Variants in NCOA1 observed in about 807,000 individuals in gnomAD.
The protein encoded by NCOA1 is Hin-2 protein.
In NCOA1, 35 loss-of-function variants were observed where a neutral mutation model predicts 150.9. The observed-to-expected ratio is 0.23, with a 90% confidence interval of 0.18 to 0.31. The LOEUF (loss-of-function observed/expected upper bound fraction) is 0.31. Among genes scored for constraint, NCOA1 ranks in the 10% least tolerant of loss-of-function variants. The probability of loss-of-function intolerance (pLI) is 1.00; values close to 1 mark genes in which losing one functional copy is unlikely to be tolerated. For missense variants in NCOA1, 1,491 were observed against 1,749.3 expected (o/e 0.85, Z 2.63); for synonymous variants, 590 against 630.0 (o/e 0.94, Z 0.95).
chr2:24,705,546 A>G (rs1673378947), intron 12 of NCOA1, among the ~76,000 whole-genome samples: 1 of 151,080 alleles, frequency 6.6e-6, no homozygotes, highest in South Asian at 2.1e-4. Context: ...GAGTTTGTTA[A>G]CATTGTTATT....
chr2:24,547,289 G>A (rs113503434), intron 1 of NCOA1, among the ~76,000 whole-genome samples: 2 of 152,248 alleles, frequency 1.3e-5, no homozygotes, highest in African/African-American at 4.8e-5. Flanking sequence ...GAGATTTTGG[G>A]ATAATGGGAG....
Position 24,741,813 on chromosome 2 carries a change from A to G in NCOA1, c.3333A>G (p.Gln1111=), listed in dbSNP as rs754009441. ...CCCTGAATGCTCAAATGTTGGCACA[A>G]CGTCAGCGGGAACTGTACAGTCAAC... ...QPPLNAQMLA[Q]RQRELYSQQH... The change falls in exon 19 of 23, where the codon CAA becomes CAG. Residue 1111 remains glutamine, a synonymous_variant. Coordinates refer to ENST00000348332, the MANE Select transcript of NCOA1 (RefSeq NM_003743.5). 1 of 1,613,486 alleles carries G rather than the reference A, an allele frequency of 6.2e-7. No homozygotes were observed. Among genetic ancestry groups the G allele is most frequent in the African/African-American group, 1.3e-5 (1 of 74,922 alleles).
chr2:24,621,007 T>C (rs1385668176), intron 3 of NCOA1, among the ~76,000 whole-genome samples: 1 of 152,214 alleles, frequency 6.6e-6, no homozygotes, highest in East Asian at 1.9e-4. Context: ...TTTGAATTCA[T>C]GATACCATGT....
intron 14 of NCOA1, among the ~76,000 whole-genome samples, chr2:24,723,121 T>G (rs1429503191): frequency 1.3e-5 from 2 of 151,932 alleles, no homozygotes; most frequent in Admixed American, 6.6e-5. Context: ...TAGTGAAAAA[T>G]ATCTTTCCTG....
At chr2:24,592,671 C>T (rs1430006143) in intron 3 of NCOA1, among the ~76,000 whole-genome samples, 7 of 145,160 alleles carry the variant, frequency 4.8e-5, no homozygotes, top group Non-Finnish European at 1.0e-4. Context: ...CAACATCAGT[C>T]AGTTTCACAG....
intron 2 of NCOA1, among the ~76,000 whole-genome samples, chr2:24,573,014 T>C (rs76979480): frequency 0.15 from 22,752 of 152,152 alleles, 2,048 homozygotes; most frequent in Non-Finnish European, 0.2. Flanking sequence ...CTGGATGCTC[T>C]GGAAACCAAA....
At chr2:24,495,703 A>G (rs935048011) in intron 1 of NCOA1, among the ~76,000 whole-genome samples, 19 of 152,232 alleles carry the variant, frequency 1.2e-4, no homozygotes, top group African/African-American at 4.6e-4. Flanking sequence ...TTGTGGGGCA[A>G]TTTTAAAGCA....
intron 4 of NCOA1, among the ~76,000 whole-genome samples, chr2:24,650,159 G>T (rs532694347): frequency 1.3e-5 from 2 of 152,234 alleles, no homozygotes; most frequent in African/African-American, 4.8e-5. Flanking sequence ...GGGGAGCAGG[G>T]TCTCTTCTCT....
At position 24,750,710 on chromosome 2, in the gene NCOA1, A is replaced by G. The variant is rs188681443; in HGVS notation, c.3707-1272A>G. On this transcript the variant is annotated intron_variant, in intron 19 of 22. Transcript: ENST00000348332. ...GATTGACTACAAACAGGTACAAGGA[A>G]GGGAATTTGGGGAATGATTAGGTGT... Among the ~76,000 whole-genome samples the G allele has an allele frequency of 1.3e-3, 197 of 152,290 alleles. 3 individuals carry two copies. The highest frequency in any genetic ancestry group is 3.9e-3 in the African/African-American group (160 of 41,554).
At chr2:24,761,143 C>T (rs917769536) in intron 21 of NCOA1, among the ~76,000 whole-genome samples, 5 of 152,204 alleles carry the variant, frequency 3.3e-5, no homozygotes, top group Non-Finnish European at 5.9e-5. Flanking sequence ...CCACCACACC[C>T]GGCCAAATTT....
chr2:24,769,009 GA>G lies in NCOA1; in HGVS notation c.*621del. 1 of 212,682 alleles carries G rather than the reference GA, an allele frequency of 4.7e-6. No individual in the cohort carries two copies. The highest frequency in any genetic ancestry group is 7.1e-5 in the East Asian group (1 of 14,122). 13.2% of individuals were successfully genotyped at this position (212,682 alleles called of 1,614,324 possible). ...TGGATTTAAACCAAGATGCCTCCAG[GA>G]AAGAGGACGAAATGAGTATATTCAC... On this transcript the variant is annotated 3_prime_UTR_variant, in exon 23 of 23. Transcript: ENST00000348332.
At chr2:24,653,780 C>T (rs983947492) in intron 4 of NCOA1, among the ~76,000 whole-genome samples, 1 of 151,988 alleles carries the variant, frequency 6.6e-6, no homozygotes, top group Non-Finnish European at 1.5e-5. Context: ...CATTGGAGGC[C>T]GAAAAGATGA....
chr2:24,754,181 C>A (rs560971543), intron 20 of NCOA1, among the ~76,000 whole-genome samples: 13 of 152,256 alleles, frequency 8.5e-5, no homozygotes, highest in African/African-American at 3.1e-4. Context: ...CAGTAGCTTC[C>A]TCTCCTGCTT....
chr2:24,721,267 A>G (rs945729609), intron 14 of NCOA1, among the ~76,000 whole-genome samples: 1 of 152,032 alleles, frequency 6.6e-6, no homozygotes, highest in East Asian at 1.9e-4. Context: ...CTGTATGATG[A>G]TATTTATTGT....
chr2:24,717,779 T>C (rs770899696), intron 14 of NCOA1, among the ~76,000 whole-genome samples: 13 of 152,096 alleles, frequency 8.5e-5, no homozygotes, highest in Non-Finnish European at 1.9e-4. Context: ...TTCTAACAAA[T>C]GTACCACACT....
chr2:24,650,812 T>G (rs1484365749), intron 4 of NCOA1, among the ~76,000 whole-genome samples: 1 of 152,144 alleles, frequency 6.6e-6, no homozygotes, highest in African/African-American at 2.4e-5. Flanking sequence ...TGAGTATCCC[T>G]TATCAAAAAT....
chr2:24,730,241 A>G (rs1662934855), intron 17 of NCOA1, among the ~76,000 whole-genome samples: 2 of 152,214 alleles, frequency 1.3e-5, no homozygotes, highest in Admixed American at 6.5e-5. Context: ...AACTTTCATG[A>G]AAGACTTGAA....
At chr2:24,577,850 T>C (rs1025373893) in intron 2 of NCOA1, among the ~76,000 whole-genome samples, 1 of 152,236 alleles carries the variant, frequency 6.6e-6, no homozygotes, top group Non-Finnish European at 1.5e-5. Flanking sequence ...AATAGCTTTT[T>C]ATTTCAGTGC....
chr2:24,612,419 A>G (rs971820349), intron 3 of NCOA1, among the ~76,000 whole-genome samples: 1 of 152,146 alleles, frequency 6.6e-6, no homozygotes, highest in Non-Finnish European at 1.5e-5. Flanking sequence ...AATTTCTTGT[A>G]TCTGAATGTC....
Sources: allele counts gnomAD v4.1 joint callset (sites outside exome capture counted in the v4.1 genomes callset), GRCh38; gene constraint gnomAD v4.1.1; transcripts MANE v1.5; gene names NCBI Gene and HGNC (gene_info 2026-07-23, HGNC 2026-07-21).